Variants in PTPRD observed in about 807,000 individuals in gnomAD.
PTPRD encodes protein tyrosine phosphatase receptor type D.
PTPRD carries 34 observed loss-of-function variants against 214.5 expected under a neutral mutation model. The observed-to-expected ratio is 0.16, with a 90% confidence interval of 0.12 to 0.21. The LOEUF is 0.21. PTPRD is among the 10% of genes least tolerant of loss of function. The probability of loss-of-function intolerance (pLI) is 1.00; values close to 1 mark genes in which losing one functional copy is unlikely to be tolerated. For missense variants in PTPRD, 2,545 were observed against 2,398.7 expected, an observed-to-expected ratio of 1.06 and a Z score of -1.27; for synonymous variants, 1,128 against 845.7, an observed-to-expected ratio of 1.33 and a Z score of -5.79.
At chr9:8,952,091 G>C (rs1281811188) in intron 11 of PTPRD, among the ~76,000 whole-genome samples, 2 of 151,776 alleles carry the variant, frequency 1.3e-5, no homozygotes, top group East Asian at 1.9e-4. Flanking sequence ...ATTTCTCTCT[G>C]ATTAATGTTC....
intron 10 of PTPRD, among the ~76,000 whole-genome samples, chr9:9,088,362 T>C (rs1334500211): frequency 6.6e-6 from 1 of 151,484 alleles, no homozygotes; most frequent in African/African-American, 2.4e-5. Context: ...CCGAGGCAGC[T>C]GGATCACCTG....
In PTPRD at chr9:8,897,150, G is replaced by A. The variant is rs150578619; in HGVS notation, c.-104+121547C>T. 3.1e-3 allele frequency among the ~76,000 whole-genome samples: 466 copies of A among 152,218 alleles called. 2 individuals are homozygous for A. Among genetic ancestry groups the A allele is most frequent in the African/African-American group, 0.01 (430 of 41,556 alleles). On this transcript the variant is annotated intron_variant, in intron 11 of 45. Coordinates refer to ENST00000381196, the MANE Select transcript of PTPRD (RefSeq NM_002839.4). ...TTCATTTTGTTGAGGTAGAGACAGAGGCCAAAATCTATCAATCAAGGAATA... is the reference window on the plus strand; with the variant it reads ...TTCATTTTGTTGAGGTAGAGACAGAAGCCAAAATCTATCAATCAAGGAATA...
chr9:10,221,295 G>A (rs2099570229), intron 3 of PTPRD, among the ~76,000 whole-genome samples: 1 of 151,894 alleles, frequency 6.6e-6, no homozygotes, highest in Non-Finnish European at 1.5e-5. Context: ...ACGTGCGCGT[G>A]CACACACACA....
chr9:10,561,397 A>C (rs2063932647), intron 2 of PTPRD, among the ~76,000 whole-genome samples: 1 of 152,184 alleles, frequency 6.6e-6, no homozygotes, highest in South Asian at 2.1e-4. Context: ...GATTGATTTT[A>C]ATGATCAGTG....
chr9:9,150,318 C>G (rs1211333823), intron 10 of PTPRD, among the ~76,000 whole-genome samples: 2 of 151,612 alleles, frequency 1.3e-5, no homozygotes, highest in African/African-American at 4.8e-5. Context: ...AGGATACGTG[C>G]TTTGTGCTAG....
chr9:8,764,412 G>C (rs750434093), intron 11 of PTPRD, among the ~76,000 whole-genome samples: 30 of 152,234 alleles, frequency 2.0e-4, no homozygotes, highest in African/African-American at 5.3e-4. Flanking sequence ...TGACAGTTTA[G>C]AGATTTAAAA....
intron 8 of PTPRD, among the ~76,000 whole-genome samples, chr9:9,418,687 C>A (rs1359844265): frequency 1.3e-5 from 2 of 151,890 alleles, no homozygotes; most frequent in South Asian, 2.1e-4. Context: ...TCATAAGATA[C>A]CTGAGCAACT....
chr9:9,170,984 C>G (rs567886876), intron 10 of PTPRD, among the ~76,000 whole-genome samples: 1 of 152,144 alleles, frequency 6.6e-6, no homozygotes, highest in Non-Finnish European at 1.5e-5. Flanking sequence ...GTTACAGGCT[C>G]CTCTACATCA....
chr9:9,475,893 T>C (rs534327459), intron 8 of PTPRD, among the ~76,000 whole-genome samples: 37 of 152,296 alleles, frequency 2.4e-4, no homozygotes, highest in African/African-American at 7.9e-4. Context: ...GCCTATGTTA[T>C]ATATAAACTG....
intron 27 of PTPRD, among the ~76,000 whole-genome samples, chr9:8,491,605 C>T (rs931286882): frequency 3.3e-5 from 5 of 149,554 alleles, no homozygotes; most frequent in Non-Finnish European, 5.9e-5. Context: ...ATGCCCCTCA[C>T]TGAATACATG....
chr9:9,787,384 T>C (rs968239308), intron 5 of PTPRD, among the ~76,000 whole-genome samples: 3 of 148,850 alleles, frequency 2.0e-5, no homozygotes, highest in African/African-American at 7.5e-5. Context: ...TTGACAAATA[T>C]GTATCAAGAT....
In PTPRD at chr9:9,364,997, A is replaced by G. The variant is rs143003362; in HGVS notation, c.-203+32452T>C. Reference sequence around the variant, plus strand: ...ACATTGAGATTGTACATCTCACAGGATTCTCTGATGAACTGGATATGACTG... The same window carrying G: ...ACATTGAGATTGTACATCTCACAGGGTTCTCTGATGAACTGGATATGACTG... On this transcript the variant is annotated intron_variant, in intron 9 of 45. Transcript: ENST00000381196. Among the ~76,000 whole-genome samples the G allele has an allele frequency of 2.8e-4, 43 of 151,612 alleles. 1 individual carries two copies. The East Asian group carries it at 8.2e-3, about 29-fold the overall frequency.
intron 10 of PTPRD, among the ~76,000 whole-genome samples, chr9:9,119,097 T>C (rs989619998): frequency 6.6e-6 from 1 of 152,228 alleles, no homozygotes; most frequent in Non-Finnish European, 1.5e-5. Context: ...AAAAATATGC[T>C]AACAAACTTG....
intron 5 of PTPRD, among the ~76,000 whole-genome samples, chr9:9,771,191 A>C (rs993938848): frequency 2.0e-5 from 3 of 152,186 alleles, no homozygotes; most frequent in African/African-American, 7.2e-5. Flanking sequence ...GTATCTAATA[A>C]ATTTGACTAC....
intron 8 of PTPRD, among the ~76,000 whole-genome samples, chr9:9,460,559 C>A (rs1436944616): frequency 6.6e-6 from 1 of 151,830 alleles, no homozygotes; most frequent in Non-Finnish European, 1.5e-5. Context: ...ATAAAAATGG[C>A]AGCAAACATA....
chr9:9,432,524 G>T (rs1230363474), intron 8 of PTPRD, among the ~76,000 whole-genome samples: 1 of 152,132 alleles, frequency 6.6e-6, no homozygotes, highest in Admixed American at 6.5e-5. Context: ...GCCTAATTTT[G>T]TGATTTACTG....
At chr9:8,370,156 A>G (rs1188652456) in intron 39 of PTPRD, among the ~76,000 whole-genome samples, 1 of 151,994 alleles carries the variant, frequency 6.6e-6, no homozygotes, top group Admixed American at 6.6e-5. Context: ...TTTTATAAAT[A>G]AGATAAAAAC....
intron 3 of PTPRD, among the ~76,000 whole-genome samples, chr9:10,150,786 T>G (rs866188466): frequency 2.4e-4 from 37 of 152,172 alleles, no homozygotes; most frequent in African/African-American, 8.7e-4. Context: ...GAAAACATGA[T>G]GTAGTTTCCC....
chr9:8,717,419 T>A (rs1016462317), intron 12 of PTPRD, among the ~76,000 whole-genome samples: 9 of 152,178 alleles, frequency 5.9e-5, no homozygotes, highest in African/African-American at 2.2e-4. Context: ...TATAGGGTCC[T>A]TTGGTATCCC....
Sources: gnomAD v4.1 joint callset for allele counts (sites outside exome capture counted in the v4.1 genomes callset) on GRCh38, gnomAD v4.1.1 for gene constraint, MANE v1.5 for transcripts, NCBI Gene and HGNC (gene_info 2026-07-23, HGNC 2026-07-21) for gene names.